RIMS2: variants seen among roughly 807,000 people sequenced by gnomAD.
RIMS2 encodes regulating synaptic membrane exocytosis protein 2.
Under a neutral mutation model 174.4 loss-of-function variants are expected in RIMS2, and 59 were observed. The ratio of observed to expected loss-of-function variants is 0.34; its 90% CI spans 0.27 to 0.42. The LOEUF is 0.42. RIMS2 is among the 10% of genes least tolerant of loss of function. The probability of loss-of-function intolerance (pLI) is 1.00; values close to 1 mark genes in which losing one functional copy is unlikely to be tolerated. For synonymous variants in RIMS2, 606 were observed against 572.5 expected, an observed-to-expected ratio of 1.06 and a Z score of -0.84; for missense variants, 1,620 against 1,666.3, an observed-to-expected ratio of 0.97 and a Z score of 0.48.
chr8:103,674,286 C>T (rs1478128228), intron 1 of RIMS2, among the ~76,000 whole-genome samples: 2 of 152,142 alleles, frequency 1.3e-5, no homozygotes, highest in African/African-American at 4.8e-5. Flanking sequence ...GCCCATTACC[C>T]AGTTCCCAAG....
intron 2 of RIMS2, among the ~76,000 whole-genome samples, chr8:103,715,810 A>G (rs1404166306): frequency 1.3e-5 from 2 of 152,302 alleles, no homozygotes; most frequent in Middle Eastern, 3.4e-3. Flanking sequence ...TGGGACAGAG[A>G]TAAACTTCAG....
chr8:103,553,344 G>A (rs1848925155), intron 1 of RIMS2, among the ~76,000 whole-genome samples: 1 of 151,976 alleles, frequency 6.6e-6, no homozygotes, highest in Non-Finnish European at 1.5e-5. Flanking sequence ...ACTATCACAA[G>A]GACAGAAAAC....
At chr8:104,118,505 C>T (rs1452016306) in intron 19 of RIMS2, among the ~76,000 whole-genome samples, 1 of 151,586 alleles carries the variant, frequency 6.6e-6, no homozygotes, top group African/African-American at 2.4e-5. Context: ...AGTCCAAGTG[C>T]TTCAGCCTCC....
intron 1 of RIMS2, among the ~76,000 whole-genome samples, chr8:103,549,603 C>G (rs1376958582): frequency 6.6e-6 from 1 of 152,148 alleles, no homozygotes; most frequent in Non-Finnish European, 1.5e-5. Flanking sequence ...ATGACAGGAT[C>G]AAATTCACAC....
intron 1 of RIMS2, among the ~76,000 whole-genome samples, chr8:103,501,930 GTTATC>G (rs1820316412): frequency 1.3e-5 from 2 of 152,190 alleles, no homozygotes; most frequent in Non-Finnish European, 2.9e-5. Flanking sequence ...TCCAGACAGG[GTTATC>G]TTTAGCTCTG....
intron 3 of RIMS2, among the ~76,000 whole-genome samples, chr8:103,770,395 G>A (rs2098237953): frequency 6.6e-6 from 1 of 152,186 alleles, no homozygotes; most frequent in Non-Finnish European, 1.5e-5. Context: ...GGCCAACTTG[G>A]TGAAACCCCG....
chr8:103,964,042 G>A (rs903347519), intron 15 of RIMS2, among the ~76,000 whole-genome samples: 3 of 152,072 alleles, frequency 2.0e-5, no homozygotes, highest in Non-Finnish European at 4.4e-5. Context: ...CCATTGTCTG[G>A]ATATACCACA....
At chr8:103,511,303 T>C (rs1176595567) in intron 1 of RIMS2, among the ~76,000 whole-genome samples, 1 of 152,214 alleles carries the variant, frequency 6.6e-6, no homozygotes, top group East Asian at 1.9e-4. Flanking sequence ...AATTTTACCA[T>C]ATGACTAACA....
At chr8:103,526,598 C>T (rs1034893143) in intron 1 of RIMS2, among the ~76,000 whole-genome samples, 2 of 151,976 alleles carry the variant, frequency 1.3e-5, no homozygotes, top group Admixed American at 6.6e-5. Context: ...GAGCACTATA[C>T]ATCATGAAAA....
intron 19 of RIMS2, among the ~76,000 whole-genome samples, chr8:104,045,681 A>G (rs80168373): frequency 0.025 from 3,793 of 151,818 alleles, 136 homozygotes; most frequent in African/African-American, 0.084. Context: ...ATCAATTATT[A>G]TTATTGTGAT....
At chr8:103,568,511 C>T (rs1369207485) in intron 1 of RIMS2, 2 of 322,434 alleles carry the variant, frequency 6.2e-6, no homozygotes, top group East Asian at 6.7e-5. Flanking sequence ...GTTGTTGGAA[C>T]AATCCTTTTC....
intron 1 of RIMS2, among the ~76,000 whole-genome samples, chr8:103,615,641 G>T (rs2095487656): frequency 4.0e-5 from 6 of 151,814 alleles, no homozygotes; most frequent in Admixed American, 3.9e-4. Flanking sequence ...AGACTAATAA[G>T]AAAAGAGAGA....
At chr8:103,752,067 G>A (rs1180032071) in intron 2 of RIMS2, among the ~76,000 whole-genome samples, 5 of 152,094 alleles carry the variant, frequency 3.3e-5, no homozygotes, top group Admixed American at 6.6e-5. Flanking sequence ...TTTCTTCTAC[G>A]GTTTTTCTGG....
At chr8:103,854,967 A>G (rs376394009) in intron 3 of RIMS2, among the ~76,000 whole-genome samples, 9 of 152,178 alleles carry the variant, frequency 5.9e-5, no homozygotes, top group African/African-American at 2.2e-4. Context: ...GGTAGAACTC[A>G]GCTGTGAATT....
chr8:103,755,216 G>T (rs1172150215), intron 2 of RIMS2, among the ~76,000 whole-genome samples: 2 of 152,168 alleles, frequency 1.3e-5, no homozygotes, highest in Non-Finnish European at 2.9e-5. Flanking sequence ...ATGAAATTCT[G>T]GGTTGGAGAA....
intron 2 of RIMS2, among the ~76,000 whole-genome samples, chr8:103,718,584 T>C (rs572876232): frequency 1.3e-5 from 2 of 152,310 alleles, no homozygotes; most frequent in Admixed American, 1.3e-4. Flanking sequence ...ATGTATTACA[T>C]GTAAAATATA....
At chr8:103,869,193 CTT>C (rs758281100) in intron 3 of RIMS2, among the ~76,000 whole-genome samples, 38 of 131,158 alleles carry the variant, frequency 2.9e-4, no homozygotes, top group Non-Finnish European at 3.0e-4. Context: ...ACCAGGAACA[CTT>C]TTTTTTTTTT....
intron 9 of RIMS2, among the ~76,000 whole-genome samples, chr8:103,918,986 A>G (rs1274381884): frequency 6.6e-6 from 1 of 152,228 alleles, no homozygotes; most frequent in Non-Finnish European, 1.5e-5. Flanking sequence ...GTGGGATAAC[A>G]GTTCTGATTT....
intron 1 of RIMS2, among the ~76,000 whole-genome samples, chr8:103,630,838 G>T (rs2095900410): frequency 6.6e-6 from 1 of 152,142 alleles, no homozygotes; most frequent in African/African-American, 2.4e-5. Context: ...GTGGAACACA[G>T]CCCAAAATAT....
Sources: gnomAD v4.1 joint callset for allele counts (sites outside exome capture counted in the v4.1 genomes callset) on GRCh38, gnomAD v4.1.1 for gene constraint, MANE v1.5 for transcripts, NCBI Gene and HGNC (gene_info 2026-07-23, HGNC 2026-07-21) for gene names.